Variants in ACTN1 observed in about 807,000 individuals in gnomAD.
The protein encoded by ACTN1 is actinin alpha 1.
ACTN1 carries 30 observed loss-of-function variants against 119.6 expected under a neutral mutation model. The observed-to-expected ratio is 0.25, with a 90% CI of 0.19 to 0.34. The LOEUF (loss-of-function observed/expected upper bound fraction) is 0.34. Among genes scored for constraint, ACTN1 ranks in the 10% least tolerant of loss-of-function variants. The probability of loss-of-function intolerance (pLI) is 1.00; values close to 1 mark genes in which losing one functional copy is unlikely to be tolerated. For missense variants in ACTN1, 764 were observed against 1,223.4 expected, an observed-to-expected ratio of 0.62 and a Z score of 5.60; for synonymous variants, 429 against 472.6, an observed-to-expected ratio of 0.91 and a Z score of 1.20.
In ACTN1 at chr14:68,921,120, G is replaced by A. The variant is rs370008804; in HGVS notation, c.226C>T (p.Arg76Cys). ...TTGCCTCGCTCTGGCTTGGCCAAGCGTTCACCTGTTTGGATCAAGAGGGAG... is the reference window on the plus strand; with the variant it reads ...TTGCCTCGCTCTGGCTTGGCCAAGCATTCACCTGTTTGGATCAAGAGGGAG... ...MLLLEVISGE[R>C]LAKPERGKMR... is the part of the protein sequence containing the mutation. The change falls in exon 3 of 22, where the codon CGC becomes TGC. Residue 76 changes from arginine (R) to cysteine (C), a missense_variant. Coordinates refer to ENST00000394419, the MANE Select transcript of ACTN1 (RefSeq NM_001130004.2). 9.3e-6 allele frequency: 15 copies of A among 1,613,946 alleles called. No individual in the cohort carries two copies. Among genetic ancestry groups the A allele is most frequent in the East Asian group, 2.2e-5 (1 of 44,886 alleles).
intron 8 of ACTN1, among the ~76,000 whole-genome samples, chr14:68,899,836 T>G (rs1434523016): frequency 1.3e-5 from 2 of 152,088 alleles, no homozygotes; most frequent in African/African-American, 4.8e-5. Context: ...AGCAGAGAGC[T>G]CAGCCTGACC....
chr14:68,879,942 G>GC lies in ACTN1; in HGVS notation c.2280+19dup. 6.2e-7 allele frequency: 1 copy of GC among 1,612,774 alleles called. No individual in the cohort carries two copies. Among genetic ancestry groups the GC allele is most frequent in the African/African-American group, 1.3e-5 (1 of 75,034 alleles). On this transcript the variant is annotated intron_variant, in intron 18 of 21. Coordinates refer to ENST00000394419, the MANE Select transcript of ACTN1 (RefSeq NM_001130004.2). The surrounding 1 kb of genome is among the most constrained non-coding windows in gnomAD (Gnocchi z 4.9). Reference sequence around the variant, plus strand: ...AGGGGTTGGGGGCTGCACTAAGAAAGCACAGGATGGGGCTCTCACCCGGTC... The same window carrying GC: ...AGGGGTTGGGGGCTGCACTAAGAAAGCCACAGGATGGGGCTCTCACCCGGTC...
intron 1 of ACTN1, among the ~76,000 whole-genome samples, chr14:68,950,455 C>CAT (rs141940950): frequency 0.23 from 31,236 of 135,858 alleles, 5,962 homozygotes; most frequent in African/African-American, 0.38. Context: ...AATATATATG[C>CAT]GTGTGTGTAT....
At chr14:68,974,594 A>C (rs1281886042) in intron 1 of ACTN1, among the ~76,000 whole-genome samples, 1 of 152,060 alleles carries the variant, frequency 6.6e-6, no homozygotes, top group Non-Finnish European at 1.5e-5. Flanking sequence ...AATGCCAGGG[A>C]AAGGTAAGGC....
intron 1 of ACTN1, among the ~76,000 whole-genome samples, chr14:68,946,658 A>C (rs1054322721): frequency 2.6e-5 from 4 of 152,082 alleles, no homozygotes; most frequent in Admixed American, 1.3e-4. Flanking sequence ...CCAAGGCCCC[A>C]CATGCTCACT....
At chr14:68,953,584 A>G (rs952342627) in intron 1 of ACTN1, among the ~76,000 whole-genome samples, 6 of 152,144 alleles carry the variant, frequency 3.9e-5, no homozygotes, top group African/African-American at 9.7e-5. Context: ...ACTCCTTAAG[A>G]AAAGGGACAA....
chr14:68,934,973 G>C (rs1309509182), intron 1 of ACTN1, among the ~76,000 whole-genome samples: 1 of 152,040 alleles, frequency 6.6e-6, no homozygotes, highest in African/African-American at 2.4e-5. Context: ...AACTGATTAG[G>C]ATTTTTTGCT....
chr14:68,917,660 G>A (rs1314746159), intron 3 of ACTN1, among the ~76,000 whole-genome samples: 1 of 152,192 alleles, frequency 6.6e-6, no homozygotes, highest in South Asian at 2.1e-4. Context: ...CGGCCATTGT[G>A]GCATAATCTT....
rs1336969046 is a variant in ACTN1 at position 68,958,309 on chromosome 14, C to T, written c.105+20643G>A. ...AGAGGAAAATCAGGTGCCCCATGCA[C>T]CTAGACAGACTACTAGCAGGGGACT... On this transcript the variant is annotated intron_variant, in intron 1 of 21. Coordinates refer to ENST00000394419, the MANE Select transcript of ACTN1 (RefSeq NM_001130004.2). Among the ~76,000 whole-genome samples the T allele has an allele frequency of 3.3e-5, 5 of 152,232 alleles. No individual in the cohort carries two copies. In the East Asian group the frequency reaches 9.7e-4, roughly 29 times the overall value.
At chr14:68,965,812 A>G (rs1181541773) in intron 1 of ACTN1, among the ~76,000 whole-genome samples, 1 of 152,194 alleles carries the variant, frequency 6.6e-6, no homozygotes. Flanking sequence ...GGTGAGAACA[A>G]ACTCCTCAAA....
chr14:68,953,651 G>A (rs976119947), intron 1 of ACTN1, among the ~76,000 whole-genome samples: 1 of 151,920 alleles, frequency 6.6e-6, no homozygotes, highest in Admixed American at 6.6e-5. Flanking sequence ...GGCCGAGGCA[G>A]GCAGATCATG....
Position 68,874,715 on chromosome 14 carries a change from G to A in ACTN1, c.*144C>T. ...TAATTTTGTAAACTGTCACTTCGCG[G>A]GCAGGGAGGATCGATGCCACGTGGG... On this transcript the variant is annotated 3_prime_UTR_variant, in exon 22 of 22. Transcript: ENST00000394419. 5.2e-6 allele frequency: 4 copies of A among 763,760 alleles called. No individual in the cohort carries two copies. Among genetic ancestry groups the A allele is most frequent in the Non-Finnish European group, 7.5e-6 (4 of 534,144 alleles). The allele number at this position is 763,760 out of a possible 1,614,324, so 47.3% of individuals were successfully genotyped here.
At chr14:68,932,389 ATGGCCTACTGTGGGAGCTCGCCT>A (rs534406996) in intron 1 of ACTN1, among the ~76,000 whole-genome samples, 82 of 151,688 alleles carry the variant, frequency 5.4e-4, no homozygotes, top group African/African-American at 2.0e-3. Flanking sequence ...CAGCTTGCAG[ATGGCCTACTGTGGGAGCTCGCCT>A]TGTGAGTGTG....
intron 8 of ACTN1, 96 bp from the exon 9 acceptor site, chr14:68,893,843 G>A: frequency 8.6e-7 from 1 of 1,160,130 alleles, no homozygotes; most frequent in Non-Finnish European, 1.2e-6. Flanking sequence ...CATCCCTGCA[G>A]CTCCCTGTGG....
chr14:68,893,965 T>G (rs1462595863), intron 8 of ACTN1, among the ~76,000 whole-genome samples: 1 of 152,108 alleles, frequency 6.6e-6, no homozygotes, highest in Non-Finnish European at 1.5e-5. Context: ...ACAGAGGTCT[T>G]GGTGGCTGAA....
Position 68,878,597 on chromosome 14 carries a change from G to A in ACTN1, c.2362-74C>T, listed in dbSNP as rs759293142. ...AAGAGGAAGGGCCGGCCCGGGGCCAGGAAGACAGGAACAGATGGCCAGAAC... is the reference window on the plus strand; with the variant it reads ...AAGAGGAAGGGCCGGCCCGGGGCCAAGAAGACAGGAACAGATGGCCAGAAC... On this transcript the variant is annotated intron_variant, in intron 19 of 21. Coordinates refer to ENST00000394419, the MANE Select transcript of ACTN1 (RefSeq NM_001130004.2). The surrounding 1 kb of genome is among the most constrained non-coding windows in gnomAD (Gnocchi z 4.4). 1.9e-6 allele frequency: 3 copies of A among 1,599,044 alleles called. No homozygotes were observed. The highest frequency in any genetic ancestry group is 1.7e-5 in the Admixed American group (1 of 57,256).
chr14:68,890,095 G>A (rs1012524467), intron 11 of ACTN1, 44 bp downstream of exon 11: 2 of 1,602,394 alleles, frequency 1.2e-6, no homozygotes, highest in Non-Finnish European at 1.7e-6. Context: ...GAAGAGTAGG[G>A]AAGTGAAGCC....
chr14:68,962,568 C>A (rs1258170536), intron 1 of ACTN1, among the ~76,000 whole-genome samples: 1 of 152,214 alleles, frequency 6.6e-6, no homozygotes, highest in East Asian at 1.9e-4. Context: ...TGCTTCCAAC[C>A]TGAGACTACT....
At chr14:68,950,455 C>CATGTGTGTGTGTGTGTGTGTGT (rs141940950) in intron 1 of ACTN1, among the ~76,000 whole-genome samples, 55 of 137,688 alleles carry the variant, frequency 4.0e-4, no homozygotes, top group African/African-American at 1.3e-3. Context: ...AATATATATG[C>CATGTGTGTGTGTGTGTGTGTGT]GTGTGTGTAT....
Sources: gnomAD v4.1 joint callset for allele counts (sites outside exome capture counted in the v4.1 genomes callset) on GRCh38, gnomAD v4.1.1 for gene constraint, Gnocchi (gnomAD v3.1) non-coding constraint, MANE v1.5 for transcripts, NCBI Gene and HGNC (gene_info 2026-07-23, HGNC 2026-07-21) for gene names.